The following POM121 variants were observed in gnomAD, a reference collection of about 807,000 sequenced individuals.
POM121 encodes POM121 transmembrane nucleoporin, also known as nuclear envelope pore membrane protein POM 121.
A neutral mutation model predicts 81.3 loss-of-function variants in POM121; 32 were observed. The ratio of observed to expected loss-of-function variants is 0.39; its 90% CI spans 0.30 to 0.53. The LOEUF is 0.53. Ranked by LOEUF, POM121 falls within the 20% of genes least tolerant of loss-of-function variation. The probability of loss-of-function intolerance (pLI) is 0.66; values close to 1 mark genes in which losing one functional copy is unlikely to be tolerated. For synonymous variants in POM121, 514 were observed against 694.2 expected (o/e 0.74, Z 4.08); for missense variants, 1,138 against 1,614.6 (o/e 0.70, Z 5.06).
intron 3 of POM121, among the ~76,000 whole-genome samples, chr7:72,907,277 C>G (rs1793338323): frequency 6.6e-6 from 1 of 152,114 alleles, no homozygotes; most frequent in Non-Finnish European, 1.5e-5. Context: ...CTACTTCTTT[C>G]TAGGCCCCTT....
At chr7:72,932,459 G>A (rs1210578475) in intron 5 of POM121, among the ~76,000 whole-genome samples, 1 of 151,708 alleles carries the variant, frequency 6.6e-6, no homozygotes, top group Non-Finnish European at 1.5e-5. Flanking sequence ...TTAGTCCTCT[G>A]TTGACAAATG....
At chr7:72,887,762 G>A (rs1790876249) in intron 1 of POM121, among the ~76,000 whole-genome samples, 1 of 152,192 alleles carries the variant, frequency 6.6e-6, no homozygotes, top group African/African-American at 2.4e-5. Flanking sequence ...GGGAGACAGA[G>A]GTTGCAGTGA....
At chr7:72,905,678 C>A (rs560454461) in intron 3 of POM121, among the ~76,000 whole-genome samples, 1 of 152,152 alleles carries the variant, frequency 6.6e-6, no homozygotes, top group Admixed American at 6.5e-5. Context: ...CCAGCCTGGG[C>A]GACAGAGCGA....
chr7:72,922,932 A>G (rs189890198), upstream of POM121, among the ~76,000 whole-genome samples: 35 of 152,000 alleles, frequency 2.3e-4, no homozygotes, highest in African/African-American at 8.0e-4. Context: ...AAGAGCCCCT[A>G]CTGACCTAGA....
chr7:72,926,602 C>T, intron 2 of POM121, 125 bp downstream of exon 2: 2 of 1,508,870 alleles, frequency 1.3e-6, no homozygotes, highest in Non-Finnish European at 1.8e-6. Flanking sequence ...ATGAGAAATA[C>T]CAAATTCTAG....
At chr7:72,943,629 C>G in intron 11 of POM121, 107 bp downstream of exon 11, 1 of 1,482,046 alleles carries the variant, frequency 6.7e-7, no homozygotes, top group East Asian at 2.5e-5. Context: ...GAGACAGGCA[C>G]TGAATATAGA....
Position 72,940,075 on chromosome 7 carries a change from T to C in POM121, c.1563+107T>C, listed in dbSNP as rs1554500548. On this transcript the variant is annotated intron_variant, in intron 8 of 12. Transcript: ENST00000434423. Reference sequence around the variant, plus strand: ...ATTTTTTTTCTAATTTATTTTTGTTTTTGTTTTTTGAGACAACATCCCTCT... The same window carrying C: ...ATTTTTTTTCTAATTTATTTTTGTTCTTGTTTTTTGAGACAACATCCCTCT... The C allele has an allele frequency of 9.0e-6, 13 of 1,451,010 alleles. No individual in the cohort carries two copies. The East Asian group carries it at 3.2e-4, about 36-fold the overall frequency. 89.9% of individuals were successfully genotyped at this position (1,451,010 alleles called of 1,614,324 possible).
chr7:72,910,772 C>T (rs1333192796), intron 3 of POM121, among the ~76,000 whole-genome samples: 8 of 151,830 alleles, frequency 5.3e-5, no homozygotes, highest in South Asian at 2.1e-4. Context: ...TCATTTGGCT[C>T]GAAAGATGAG....
intron 3 of POM121, among the ~76,000 whole-genome samples, chr7:72,893,756 CG>C (rs1791554267): frequency 6.6e-6 from 1 of 152,046 alleles, no homozygotes; most frequent in Non-Finnish European, 1.5e-5. Context: ...CGTCAGCAAG[CG>C]CTCTGGCAGG....
In POM121 at chr7:72,946,224, G is replaced by C; in HGVS notation, c.3740G>C (p.Arg1247Pro). ...CTGCAGGCCCGAAGGCAGCACACCCGCAAAAAGTAGCCTTTGTCCCCTGTC... is the reference window on the plus strand; with the variant it reads ...CTGCAGGCCCGAAGGCAGCACACCCCCAAAAAGTAGCCTTTGTCCCCTGTC... ...QRLQARRQHT[R>P]KK Residue 1247 changes from arginine to proline, a missense_variant, in exon 13 of 13, where the codon CGC becomes CCC. Around this residue, in one of 7 missense-constraint regions of POM121, gnomAD observed 336 missense variants for 344.3 expected, o/e 0.98. Coordinates refer to ENST00000434423, the MANE Select transcript of POM121 (RefSeq NM_001387691.1). The C allele has an allele frequency of 1.2e-6, 2 of 1,611,130 alleles. No individual in the cohort carries two copies. Among genetic ancestry groups the C allele is most frequent in the South Asian group, 1.1e-5 (1 of 90,916 alleles).
At chr7:72,920,575 T>C (rs13238009), upstream of POM121, among the ~76,000 whole-genome samples, 1,336 of 152,052 alleles carry the variant, frequency 8.8e-3, 13 homozygotes, top group Non-Finnish European at 0.011. Flanking sequence ...AGGATGGTCT[T>C]GATCTCCTGA....
chr7:72,926,773 T>C (rs782796768), intron 2 of POM121, 29 bp from the exon 3 acceptor site: 1 of 1,608,090 alleles, frequency 6.2e-7, no homozygotes. Context: ...TAAAATATCT[T>C]ACAGCTAGAA....
In POM121 at chr7:72,926,799, T is replaced by C. The variant is rs781894774; in HGVS notation, c.861-3T>C. The C allele has an allele frequency of 6.2e-7, 1 of 1,613,252 alleles. No homozygotes were observed. Among genetic ancestry groups the C allele is most frequent in the Non-Finnish European group, 8.5e-7 (1 of 1,179,566 alleles). On this transcript the variant is annotated splice_region_variant and splice_polypyrimidine_tract_variant and intron_variant, in intron 2 of 12. Coordinates refer to ENST00000434423, the MANE Select transcript of POM121 (RefSeq NM_001387691.1). ...ACAGCTAGAATCTTGTCTTTCATTG[T>C]AGACCAGAGCAGATAATCAGCTCAA... is the stretch of plus-strand genomic sequence containing the variant.
At position 72,903,039 on chromosome 7, in the gene POM121, T is replaced by G. The variant is rs563528809; in HGVS notation, c.-215-10726T>G. Among the ~76,000 whole-genome samples, 225 of 152,332 alleles carry G rather than the reference T, an allele frequency of 1.5e-3. 1 individual carries two copies. Among genetic ancestry groups the G allele is most frequent in the Non-Finnish European group, 2.9e-3 (197 of 68,032 alleles). On this transcript the variant is annotated intron_variant, in intron 3 of 15. Coordinates refer to the POM121 transcript ENST00000395270. ...TTTGTGAATGGGCTGTACTCTCTTA[T>G]GTCACTGCATGGTTTGTAATTTTTT...
At chr7:72,901,734 C>G (rs1792670578) in intron 3 of POM121, among the ~76,000 whole-genome samples, 1 of 149,306 alleles carries the variant, frequency 6.7e-6, no homozygotes, top group Non-Finnish European at 1.5e-5. Context: ...AACTCCTGGT[C>G]TCAAGCGATC....
upstream of POM121, chr7:72,925,044 T>G (rs148920027): frequency 6.6e-5 from 89 of 1,347,842 alleles, no homozygotes; most frequent in Non-Finnish European, 7.8e-5. Flanking sequence ...GCGCATGACG[T>G]AGAGGGCGCG....
At chr7:72,893,597 G>A (rs1791531733) in intron 3 of POM121, among the ~76,000 whole-genome samples, 2 of 152,042 alleles carry the variant, frequency 1.3e-5, no homozygotes, top group Admixed American at 6.6e-5. Flanking sequence ...AAACAAAAAC[G>A]TAACATACGA....
downstream of POM121, chr7:72,950,012 C>T: frequency 1.3e-6 from 2 of 1,543,394 alleles, no homozygotes; most frequent in South Asian, 1.1e-5. Flanking sequence ...AGGCTAGGCC[C>T]TTCCCGTGCC....
intron 3 of POM121, among the ~76,000 whole-genome samples, chr7:72,903,925 C>G (rs1232010810): frequency 1.3e-4 from 20 of 152,240 alleles, no homozygotes; most frequent in Non-Finnish European, 2.2e-4. Flanking sequence ...GGATTACAGG[C>G]TTGTGCCGCC....
Sources: allele counts gnomAD v4.1 joint callset (sites outside exome capture counted in the v4.1 genomes callset), GRCh38; gene constraint gnomAD v4.1.1; regional missense constraint gnomAD v4.1.1; transcripts MANE v1.5; gene names NCBI Gene and HGNC (gene_info 2026-07-23, HGNC 2026-07-21).